The following TSPAN16 variants were observed in gnomAD, a reference collection of about 807,000 sequenced individuals.
The protein encoded by TSPAN16 is tetraspanin 16, also known as tetraspanin-16.
In TSPAN16, 23 loss-of-function variants were observed where a neutral mutation model predicts 25.2. The ratio of observed to expected loss-of-function variants is 0.91; its 90% CI spans 0.66 to 1.29. TSPAN16 has a LOEUF of 1.29. TSPAN16 is among the 50% of genes most tolerant of loss of function. The pLI, the probability that TSPAN16 is intolerant of heterozygous loss-of-function variation, is 0.00. For missense variants in TSPAN16, 272 were observed against 299.9 expected (o/e 0.91, Z 0.69); for synonymous variants, 123 against 124.4 (o/e 0.99, Z 0.08).
chr19:11,296,406 C>A, intron 1 of TSPAN16, 40 bp downstream of exon 1: 2 of 1,592,582 alleles, frequency 1.3e-6, no homozygotes, highest in Non-Finnish European at 1.7e-6. Context: ...TTGTTGCAGC[C>A]CTTCCTCCAC....
chr19:11,315,283 C>T (rs1161698727), intron 6 of TSPAN16, among the ~76,000 whole-genome samples: 4 of 140,568 alleles, frequency 2.8e-5, no homozygotes, highest in East Asian at 2.1e-4. Context: ...ATAGGCCAGG[C>T]GCGGTGGCTC....
At chr19:11,314,787 GAA>G (rs2080728163) in intron 6 of TSPAN16, among the ~76,000 whole-genome samples, 1 of 152,084 alleles carries the variant, frequency 6.6e-6, no homozygotes, top group Admixed American at 6.6e-5. Flanking sequence ...AGGAGGGGAA[GAA>G]AAGAGGGAGG....
chr19:11,325,228 A>C (rs1599355126), intron 6 of TSPAN16: 8 of 556,922 alleles, frequency 1.4e-5, no homozygotes, highest in East Asian at 3.0e-5. Context: ...TGCCTGAGGA[A>C]CCTGGCAGCC....
intron 6 of TSPAN16, chr19:11,323,157 G>A (rs2080790866): frequency 6.7e-6 from 1 of 149,902 alleles, no homozygotes; most frequent in Non-Finnish European, 1.5e-5. Flanking sequence ...ACTGCATCTT[G>A]AGAAGTCTTT....
chr19:11,306,225 G>A (rs1256223415), intron 4 of TSPAN16, among the ~76,000 whole-genome samples: 3 of 152,060 alleles, frequency 2.0e-5, no homozygotes, highest in Admixed American at 1.3e-4. Context: ...GACAGGTCTT[G>A]CTCTGTTGCC....
downstream of TSPAN16, among the ~76,000 whole-genome samples, chr19:11,320,039 C>A (rs912118441): frequency 1.3e-5 from 2 of 151,488 alleles, no homozygotes; most frequent in African/African-American, 4.9e-5. Context: ...AGGATGATCT[C>A]GATCTCTTGA....
chr19:11,306,344 C>T (rs534714870), intron 4 of TSPAN16, among the ~76,000 whole-genome samples: 1 of 152,050 alleles, frequency 6.6e-6, no homozygotes, highest in Admixed American at 6.6e-5. Flanking sequence ...CCGGCATCTG[C>T]CACCATGCCT....
rs1245370038 is a variant in TSPAN16 at position 11,296,375 on chromosome 19, G to C, written c.69+9G>C. 2.5e-6 allele frequency: 4 copies of C among 1,613,908 alleles called. No homozygotes were observed. The highest frequency in any genetic ancestry group is 2.5e-6 in the Non-Finnish European group (3 of 1,179,900). ...TCAATGGCTTCGTGGCTGTAAGTAT[G>C]TCACAATCCAGGCCCCTGGTTTGTT... On this transcript the variant is annotated intron_variant, in intron 1 of 6. Coordinates refer to ENST00000590327, the MANE Select transcript of TSPAN16 (RefSeq NM_001282509.2).
At chr19:11,316,181 C>T (rs1174500728), downstream of TSPAN16, among the ~76,000 whole-genome samples, 1 of 149,876 alleles carries the variant, frequency 6.7e-6, no homozygotes. Context: ...TGCAATGGCA[C>T]GATCTCAGCT....
intron 3 of TSPAN16, chr19:11,300,978 C>T (rs915831346): frequency 2.0e-6 from 1 of 508,148 alleles, no homozygotes; most frequent in African/African-American, 1.9e-5. Flanking sequence ...GAGAGATACG[C>T]TTGGCTCCAG....
At position 11,315,960 on chromosome 19, in the gene TSPAN16, G is replaced by A. The variant is rs2080745187; in HGVS notation, c.*122G>A. The A allele has an allele frequency of 1.3e-5, 16 of 1,229,028 alleles. No homozygotes were observed. The highest frequency in any genetic ancestry group is 1.6e-5 in the Non-Finnish European group (16 of 986,252). 76.1% of individuals were successfully genotyped at this position (1,229,028 alleles called of 1,614,324 possible). A position where few individuals can be genotyped will look rare whatever the true frequency, so the allele number is the denominator to read the frequency against. On this transcript the variant is annotated 3_prime_UTR_variant, in exon 7 of 7. Transcript: ENST00000590327. ...GGGAGACTGTTAATAAAAGATTTGG[G>A]AACCCCCTGTCCAGCCTGACTTCTT...
rs755060206 is a variant in TSPAN16, at chr19:11,296,387, G to T, written c.69+21G>T. ...TGGCTGTAAGTATGTCACAATCCAG[G>T]CCCCTGGTTTGTTGCAGCCCTTCCT... On this transcript the variant is annotated intron_variant, in intron 1 of 6. Transcript: ENST00000590327. The T allele has an allele frequency of 1.1e-5, 17 of 1,613,348 alleles. No individual in the cohort carries two copies. The East Asian group carries it at 3.8e-4, about 36-fold the overall frequency.
At chr19:11,308,290 C>CACA (rs57146496) in intron 5 of TSPAN16, among the ~76,000 whole-genome samples, 65,758 of 150,578 alleles carry the variant, frequency 0.44, 16,677 homozygotes, top group African/African-American at 0.72. Flanking sequence ...AAGTCCCCAT[C>CACA]ACAACAACAA....
chr19:11,299,703 G>A (rs1323634525), intron 3 of TSPAN16, among the ~76,000 whole-genome samples: 3 of 152,076 alleles, frequency 2.0e-5, no homozygotes, highest in East Asian at 1.9e-4. Flanking sequence ...GGCCAGGTGC[G>A]GTGGCTCACG....
chr19:11,313,163 C>T (rs2080711238), intron 6 of TSPAN16, among the ~76,000 whole-genome samples: 2 of 152,086 alleles, frequency 1.3e-5, no homozygotes, highest in Non-Finnish European at 2.9e-5. Flanking sequence ...AAGAGGAAGA[C>T]ATATTTCCCA....
chr19:11,298,429 T>G, intron 2 of TSPAN16, 90 bp downstream of exon 2: 1 of 1,298,236 alleles, frequency 7.7e-7, no homozygotes, highest in Admixed American at 2.5e-5. Flanking sequence ...TTGCTTGGTG[T>G]CACCTATTTT....
chr19:11,314,833 C>A (rs1599347375), intron 6 of TSPAN16, among the ~76,000 whole-genome samples: 1 of 152,152 alleles, frequency 6.6e-6, no homozygotes, highest in Non-Finnish European at 1.5e-5. Context: ...ATTCTCTCCT[C>A]CCGCTCACCC....
rs1291834302 is a variant in TSPAN16 at position 11,302,692 on chromosome 19, C to T, written c.450+1384C>T. On this transcript the variant is annotated intron_variant, in intron 4 of 6. Transcript: ENST00000590327. ...ATATATATATATACACACACACACA[C>T]ACACACACACACACATACATATATA... Among the ~76,000 whole-genome samples the T allele has an allele frequency of 1.9e-3, 246 of 130,192 alleles. 1 individual carries two copies. Among genetic ancestry groups the T allele is most frequent in the African/African-American group, 7.5e-3 (233 of 31,100 alleles). The allele number at this position is 130,192 out of a possible 152,430, so 85.4% of individuals were successfully genotyped here.
intron 5 of TSPAN16, among the ~76,000 whole-genome samples, chr19:11,310,228 CAGGAAGA>C (rs1386596730): frequency 1.3e-5 from 2 of 152,084 alleles, no homozygotes; most frequent in Non-Finnish European, 2.9e-5. Flanking sequence ...TCTGGAAGTG[CAGGAAGA>C]AGGAAGAAGG....
Sources: allele counts gnomAD v4.1 joint callset (sites outside exome capture counted in the v4.1 genomes callset), GRCh38; gene constraint gnomAD v4.1.1; transcripts MANE v1.5; gene names NCBI Gene and HGNC (gene_info 2026-07-23, HGNC 2026-07-21).